The following ALG1 variants were observed in gnomAD, a reference collection of about 807,000 sequenced individuals.
ALG1 encodes the protein ALG1 chitobiosyldiphosphodolichol beta-mannosyltransferase.
In ALG1, 58 loss-of-function variants were observed where a neutral mutation model predicts 55.1. The ratio of observed to expected loss-of-function variants is 1.05; its 90% CI spans 0.85 to 1.31. The LOEUF (loss-of-function observed/expected upper bound fraction) is 1.31, where lower values mean the gene tolerates loss of function less well. ALG1 is among the 50% of genes most tolerant of loss of function. ALG1 has a pLI of 0.00. For synonymous variants in ALG1, 309 were observed against 247.0 expected, an observed-to-expected ratio of 1.25 and a Z score of -2.35; for missense variants, 761 against 598.6, an observed-to-expected ratio of 1.27 and a Z score of -2.83.
At chr16:5,082,317 C>G (rs1957029251) in intron 10 of ALG1, among the ~76,000 whole-genome samples, 1 of 145,900 alleles carries the variant, frequency 6.9e-6, no homozygotes, top group South Asian at 2.1e-4. Flanking sequence ...TGTCTCAAAA[C>G]AAAACAACAC....
In ALG1 at chr16:5,072,037, T is replaced by A; in HGVS notation, c.188T>A (p.Val63Glu). Residue 63 changes from valine (V) to glutamate (E), a missense_variant, in exon 1 of 13, where the codon GTG (valine) becomes GAG (glutamate). Physicochemically the swap from Val to Glu is moderately radical, Grantham distance 121 (BLOSUM62 -2). Coordinates refer to ENST00000262374, the MANE Select transcript of ALG1 (RefSeq NM_019109.5). ...TCGTTGGCCATGCACGGCTTCTCGG[T>A]GACCCTCCTGGGGTTCTGCAGTGAG... Reference protein sequence around the residue: ...ALSLAMHGFSVTLLGFCNSKP... With the variant: ...ALSLAMHGFSETLLGFCNSKP... 1 of 1,589,932 alleles carries A rather than the reference T, an allele frequency of 6.3e-7. No individual in the cohort carries two copies. Among genetic ancestry groups the A allele is most frequent in the Non-Finnish European group, 8.6e-7 (1 of 1,167,964 alleles).
rs1956943865 is a variant in ALG1, at chr16:5,077,948, A to G, written c.671A>G (p.Glu224Gly). ...VYDKPASFFK[E>G]TPLDLQHRLF... The stretch of plus-strand genomic sequence containing the variant: ...GACAAGCCCGCATCTTTCTTTAAAG[A>G]GACACCTCTGGACCTGCAGCACCGG... Residue 224 changes from glutamate to glycine, a missense_variant, in exon 6 of 13, where the codon GAG becomes GGG. Transcript: ENST00000262374. The G allele has an allele frequency of 2.5e-6, 4 of 1,606,560 alleles. No individual in the cohort carries two copies. The highest frequency in any genetic ancestry group is 1.3e-5 in the African/African-American group (1 of 74,850).
intron 3 of ALG1, 39 bp from the exon 4 acceptor site, chr16:5,075,349 G>A (rs1373705894): frequency 1.9e-6 from 3 of 1,609,320 alleles, no homozygotes; most frequent in Admixed American, 1.7e-5. Flanking sequence ...GCCTAGCATG[G>A]TCTGGGTTTC....
chr16:5,076,334 AG>A (rs1422724508), intron 4 of ALG1, among the ~76,000 whole-genome samples: 1 of 152,242 alleles, frequency 6.6e-6, no homozygotes, highest in Non-Finnish European at 1.5e-5. Context: ...CAAACAGCTT[AG>A]TTGAGCAAAT....
Position 5,075,493 on chromosome 16 carries a change from C to G in ALG1, c.496C>G (p.Leu166Val), listed in dbSNP as rs771242902. The G allele has an allele frequency of 5.6e-6, 9 of 1,614,188 alleles. No homozygotes were observed. Among genetic ancestry groups the G allele is most frequent in the Non-Finnish European group, 7.6e-6 (9 of 1,180,040 alleles). Residue 166 changes from leucine to valine, a missense_variant, in exon 4 of 13, where the codon CTG (leucine) becomes GTG (valine). By Grantham distance (32) the Leu-to-Val change is conservative. Coordinates refer to ENST00000262374, the MANE Select transcript of ALG1 (RefSeq NM_019109.5). The stretch of plus-strand genomic sequence containing the variant: ...CAACTATGGCTACTCCATCATGGGT[C>G]TGGTGCATGGCCCCAACCATCCCCT... Reference protein sequence around the residue: ...WHNYGYSIMGLVHGPNHPLVL... With the variant: ...WHNYGYSIMGVVHGPNHPLVL...
intron 11 of ALG1, 46 bp downstream of exon 11, chr16:5,082,719 A>G (rs376642941): frequency 3.1e-6 from 5 of 1,604,772 alleles, no homozygotes; most frequent in South Asian, 1.1e-5. Context: ...TTGCAGATCC[A>G]CCGCTGAGGG....
At position 5,078,006 on chromosome 16, in the gene ALG1, G is replaced by T. The variant is rs539568048; in HGVS notation, c.729G>T (p.Pro243=). ...TGAAGCTGGGCAGCATGCACTCTCC[G>T]TTCAGGGCCCGGTAGGCCTCCCATC... ...LFMKLGSMHS[P]FRARSEPEDP... is the part of the protein sequence containing the mutation. Residue 243 remains proline, a synonymous_variant, in exon 6 of 13, where the codon CCG becomes CCT. Coordinates refer to ENST00000262374, the MANE Select transcript of ALG1 (RefSeq NM_019109.5). The T allele has an allele frequency of 1.4e-5, 22 of 1,599,062 alleles. 1 individual carries two copies. In the Admixed American group the frequency reaches 2.7e-4, roughly 19 times the overall value.
chr16:5,084,753 C>A lies in ALG1; in HGVS notation c.1267C>A (p.Leu423Ile). 1 of 1,595,734 alleles carries A rather than the reference C, an allele frequency of 6.3e-7. No individual in the cohort carries two copies. Among genetic ancestry groups the A allele is most frequent in the Admixed American group, 1.7e-5 (1 of 59,682 alleles). Residue 423 changes from leucine to isoleucine, a missense_variant, in exon 13 of 13, where the codon CTT (leucine) becomes ATT (isoleucine). Transcript: ENST00000262374. ...SEELAAQLQMLFSNFPDPAGK... is the reference protein window; with the variant it reads ...SEELAAQLQMIFSNFPDPAGK... ...TCTGCTCTTTATTTTTTTGCAGATG[C>A]TTTTCTCAAACTTTCCTGATCCTGC...
chr16:5,082,169 T>TCCTGAC (rs1342128742), intron 10 of ALG1, among the ~76,000 whole-genome samples: 1 of 152,142 alleles, frequency 6.6e-6, no homozygotes, highest in African/African-American at 2.4e-5. Flanking sequence ...GGTCTTGAAC[T>TCCTGAC]CCTGACCTCA....
Position 5,073,004 on chromosome 16 carries a change from T to A in ALG1, c.262T>A (p.Leu88Met). The change falls in exon 2 of 13, where the codon TTG (leucine) becomes ATG (methionine). Residue 88 changes from leucine (L) to methionine (M), a missense_variant. Physicochemically the swap from Leu to Met is conservative, Grantham distance 15 (BLOSUM62 2). Transcript: ENST00000262374. Reference sequence around the variant, plus strand: ...GAACAACAGAATTCAGATTGTGGGGTTGACAGAACTTCAGAGTCTTGCAGG... The same window carrying A: ...GAACAACAGAATTCAGATTGTGGGGATGACAGAACTTCAGAGTCTTGCAGG... ...LQNNRIQIVG[L>M]TELQSLAVGP... 6.2e-7 allele frequency: 1 copy of A among 1,614,166 alleles called. No individual in the cohort carries two copies. The highest frequency in any genetic ancestry group is 8.5e-7 in the Non-Finnish European group (1 of 1,180,022).
At chr16:5,078,501 A>C in intron 6 of ALG1, 1 of 716,822 alleles carries the variant, frequency 1.4e-6, no homozygotes, top group Middle Eastern at 3.8e-4. Flanking sequence ...TCTTGAGTCC[A>C]GGGGATGATA....
In ALG1 at chr16:5,085,629, G is replaced by A; in HGVS notation, c.*748G>A. The stretch of plus-strand genomic sequence containing the variant: ...ACAATCCCGTTGGAGTCGTGTGTGA[G>A]TCCTACAGGGTGAGATTCAGCATTG... On this transcript the variant is annotated 3_prime_UTR_variant, in exon 13 of 13. Coordinates refer to ENST00000262374, the MANE Select transcript of ALG1 (RefSeq NM_019109.5). 6.3e-7 allele frequency: 1 copy of A among 1,592,468 alleles called. No individual in the cohort carries two copies.
intron 10 of ALG1, 115 bp from the exon 11 acceptor site, chr16:5,082,444 T>G (rs1567171359): frequency 9.0e-7 from 1 of 1,115,302 alleles, no homozygotes; most frequent in Non-Finnish European, 1.3e-6. Flanking sequence ...TTTGGGGCTG[T>G]TGGGGGCCTT....
chr16:5,083,211 G>A (rs1357382612), intron 11 of ALG1, among the ~76,000 whole-genome samples: 1 of 152,122 alleles, frequency 6.6e-6, no homozygotes, highest in Admixed American at 6.5e-5. Flanking sequence ...AGCACAAGTT[G>A]AGCCCTTGGC....
At chr16:5,079,705 T>C (rs1956982758) in intron 8 of ALG1, 43 bp from the exon 9 acceptor site, 3 of 1,603,834 alleles carry the variant, frequency 1.9e-6, no homozygotes, top group Non-Finnish European at 2.6e-6. Flanking sequence ...AAAAAAATTC[T>C]ATCAGAAATT....
Position 5,085,917 on chromosome 16 carries a change from G to A in ALG1, c.*1036G>A, listed in dbSNP as rs1396694764. On this transcript the variant is annotated 3_prime_UTR_variant, in exon 13 of 13. Coordinates refer to ENST00000262374, the MANE Select transcript of ALG1 (RefSeq NM_019109.5). ...GCCTCCAGGATGGGACCAGAAAGCTGGTTTTGCATAGAAATGGCTAGCAGC... is the reference window on the plus strand; with the variant it reads ...GCCTCCAGGATGGGACCAGAAAGCTAGTTTTGCATAGAAATGGCTAGCAGC... Among the ~76,000 whole-genome samples the A allele has an allele frequency of 6.6e-6, 1 of 152,190 alleles. No homozygotes were observed. The highest frequency in any genetic ancestry group is 1.5e-5 in the Non-Finnish European group (1 of 68,034).
chr16:5,078,185 T>C, intron 6 of ALG1, 168 bp downstream of exon 6: 2 of 822,154 alleles, frequency 2.4e-6, no homozygotes, highest in Non-Finnish European at 2.0e-6. Context: ...AACACACTCA[T>C]TGCCTTCTGA....
chr16:5,072,783 C>T (rs8045473), intron 1 of ALG1, among the ~76,000 whole-genome samples, 168 bp from the exon 2 acceptor site: 7 of 152,042 alleles, frequency 4.6e-5, no homozygotes, highest in African/African-American at 1.7e-4. Flanking sequence ...CTAGAGCAAT[C>T]TGAACAAGAA....
chr16:5,078,413 C>A (rs954562613), intron 6 of ALG1: 5 of 595,948 alleles, frequency 8.4e-6, no homozygotes, highest in Admixed American at 4.4e-5. Flanking sequence ...AAGGAGGGGA[C>A]CTTTGTGCAG....
Sources: allele counts gnomAD v4.1 joint callset (sites outside exome capture counted in the v4.1 genomes callset), GRCh38; gene constraint gnomAD v4.1.1; transcripts MANE v1.5; gene names NCBI Gene and HGNC (gene_info 2026-07-23, HGNC 2026-07-21).